CDKN2B-AS1: variants seen among roughly 807,000 people sequenced by gnomAD.
CDKN2B-AS1 encodes the protein CDKN2B and CDKN2A antisense cis and trans regulatory RNA 1.
intron 1 of CDKN2B-AS1, among the ~76,000 whole-genome samples, chr9:22,021,140 T>A (rs879446838): frequency 2.6e-5 from 4 of 152,142 alleles, no homozygotes; most frequent in African/African-American, 4.8e-5. Flanking sequence ...GAATCTGTTC[T>A]CCATTGCTTG....
Position 21,996,216 on chromosome 9 carries a change from C to G in CDKN2B-AS1, n.29+1055C>G, listed in dbSNP as rs189408189. Among the ~76,000 whole-genome samples the G allele has an allele frequency of 1.3e-5, 2 of 152,284 alleles. No individual in the cohort carries two copies. The highest frequency in any genetic ancestry group is 3.9e-4 in the East Asian group (2 of 5,162). On this transcript the variant is annotated intron_variant and non_coding_transcript_variant, in intron 1 of 4. Transcript: ENST00000650946. This position sits in a 1 kb window ranked among gnomAD's most constrained non-coding sequence, Gnocchi z 5.4. ...CCCGCCCCATCACTTGACGTTGCTGCCGGACCTCGGTACAAACCCAAGACA... is the reference window on the plus strand; with the variant it reads ...CCCGCCCCATCACTTGACGTTGCTGGCGGACCTCGGTACAAACCCAAGACA...
At chr9:22,107,891 GGCA>G (rs1825701919) in intron 4 of CDKN2B-AS1, among the ~76,000 whole-genome samples, 1 of 152,174 alleles carries the variant, frequency 6.6e-6, no homozygotes. Flanking sequence ...TATTAGGTAA[GGCA>G]TTCTACATCT....
chr9:22,069,475 T>C (rs1180064469), intron 4 of CDKN2B-AS1, among the ~76,000 whole-genome samples: 1 of 152,216 alleles, frequency 6.6e-6, no homozygotes, highest in Non-Finnish European at 1.5e-5. Flanking sequence ...CTGAGAGATA[T>C]ACGATTGTAT....
chr9:22,101,801 G>T (rs1448530353), intron 4 of CDKN2B-AS1, among the ~76,000 whole-genome samples: 1 of 151,902 alleles, frequency 6.6e-6, no homozygotes, highest in East Asian at 1.9e-4. Flanking sequence ...ACTATCTCAG[G>T]CTTCAACAAA....
intron 4 of CDKN2B-AS1, among the ~76,000 whole-genome samples, chr9:22,064,397 A>T (rs1323699116): frequency 1.3e-5 from 2 of 152,104 alleles, no homozygotes; most frequent in Non-Finnish European, 2.9e-5. Flanking sequence ...TGTTGGGCTT[A>T]TTGGGGATGG....
intron 4 of CDKN2B-AS1, among the ~76,000 whole-genome samples, chr9:22,122,296 A>C: frequency 6.6e-6 from 1 of 152,224 alleles, no homozygotes; most frequent in Middle Eastern, 3.4e-3. Context: ...TCTAGATATT[A>C]ATCTCTTGTC....
intron 1 of CDKN2B-AS1, among the ~76,000 whole-genome samples, chr9:21,998,184 T>A (rs1000058511): frequency 3.3e-5 from 5 of 152,220 alleles, no homozygotes; most frequent in African/African-American, 9.6e-5. Flanking sequence ...TTAATATTAG[T>A]CTCAGCAAAA....
intron 4 of CDKN2B-AS1, among the ~76,000 whole-genome samples, chr9:22,072,771 T>C (rs1824348637): frequency 6.6e-6 from 1 of 152,208 alleles, no homozygotes; most frequent in Non-Finnish European, 1.5e-5. Context: ...ACCACAGATT[T>C]AGAATTTCAG....
chr9:22,118,493 T>C (rs1446948730), intron 4 of CDKN2B-AS1: 1 of 152,150 alleles, frequency 6.6e-6, no homozygotes, highest in African/African-American at 2.4e-5. Context: ...CATCATTCCT[T>C]CTCAGTCCTT....
At chr9:22,036,579 T>C (rs952783162) in intron 1 of CDKN2B-AS1, among the ~76,000 whole-genome samples, 1 of 152,134 alleles carries the variant, frequency 6.6e-6, no homozygotes, top group Non-Finnish European at 1.5e-5. Context: ...TGTGAGATAT[T>C]CTATAATTTA....
chr9:22,050,739 G>A (rs887255609), intron 3 of CDKN2B-AS1, among the ~76,000 whole-genome samples: 4 of 152,088 alleles, frequency 2.6e-5, no homozygotes, highest in East Asian at 3.9e-4. Context: ...CACCTAATTC[G>A]CTGGCACTGT....
intron 4 of CDKN2B-AS1, among the ~76,000 whole-genome samples, chr9:22,104,022 C>T (rs1825576721): frequency 6.6e-6 from 1 of 152,146 alleles, no homozygotes; most frequent in Non-Finnish European, 1.5e-5. Context: ...ATCTTCTCAT[C>T]TTTCTTATTA....
rs546352392 is a variant in CDKN2B-AS1, at chr9:22,004,208, C to T, written n.29+9047C>T. 257 of 232,440 alleles carry T rather than the reference C, an allele frequency of 1.1e-3. 3 individuals are homozygous for T. The highest frequency in any genetic ancestry group is 5.3e-3 in the African/African-American group (240 of 45,422). 14.4% of individuals were successfully genotyped at this position (232,440 alleles called of 1,614,324 possible). A position where few individuals can be genotyped will look rare whatever the true frequency, so the allele number is the denominator to read the frequency against. On this transcript the variant is annotated intron_variant and non_coding_transcript_variant, in intron 1 of 4. Transcript: ENST00000650946. The stretch of plus-strand genomic sequence containing the variant: ...GCTCTGATTCTCAACTAACTTTCCC[C>T]AGTAATATGTTCATTTTGGGAATAG...
At position 22,005,279 on chromosome 9, in the gene CDKN2B-AS1, T is replaced by C; in HGVS notation, n.29+10118T>C. 4.2e-6 allele frequency: 1 copy of C among 236,906 alleles called. No homozygotes were observed. The highest frequency in any genetic ancestry group is 8.3e-6 in the Non-Finnish European group (1 of 120,378). The allele number at this position is 236,906 out of a possible 1,614,324, so 14.7% of individuals were successfully genotyped here. ...CAAAGGCCAGCATCCTGTGCAAAGGTGCTCTGCAGCGTCGTGATCCAGGGA... is the reference window on the plus strand; with the variant it reads ...CAAAGGCCAGCATCCTGTGCAAAGGCGCTCTGCAGCGTCGTGATCCAGGGA... On this transcript the variant is annotated intron_variant and non_coding_transcript_variant, in intron 1 of 4. Coordinates refer to ENST00000650946, the Ensembl canonical transcript of CDKN2B-AS1. This position sits in a 1 kb window ranked among gnomAD's most constrained non-coding sequence, Gnocchi z 4.9.
At chr9:22,026,686 G>A (rs1214743639) in intron 1 of CDKN2B-AS1, among the ~76,000 whole-genome samples, 1 of 152,194 alleles carries the variant, frequency 6.6e-6, no homozygotes, top group Non-Finnish European at 1.5e-5. Context: ...ACCTCCTGGG[G>A]TATGTTTGGG....
intron 4 of CDKN2B-AS1, among the ~76,000 whole-genome samples, chr9:22,087,085 C>A (rs1022034347): frequency 1.3e-5 from 2 of 152,334 alleles, no homozygotes; most frequent in African/African-American, 4.8e-5. Flanking sequence ...TGTAGTGAAT[C>A]AGGAGTAGCC....
intron 4 of CDKN2B-AS1, among the ~76,000 whole-genome samples, chr9:22,124,657 G>T (rs557319083): frequency 6.6e-6 from 1 of 152,028 alleles, no homozygotes; most frequent in African/African-American, 2.4e-5. Context: ...TTCTAGTTGA[G>T]CTATCATTCA....
chr9:22,064,439 A>T (rs1454882249), intron 4 of CDKN2B-AS1, among the ~76,000 whole-genome samples: 1 of 152,170 alleles, frequency 6.6e-6, no homozygotes, highest in Non-Finnish European at 1.5e-5. Context: ...AGGTTTCAGA[A>T]GGCATAGTGG....
At chr9:22,101,738 C>G (rs1825493140) in intron 4 of CDKN2B-AS1, among the ~76,000 whole-genome samples, 2 of 149,632 alleles carry the variant, frequency 1.3e-5, no homozygotes, top group African/African-American at 5.0e-5. Context: ...GAGTGCAAAT[C>G]AAACTACCAT....
Sources: allele counts gnomAD v4.1 joint callset (sites outside exome capture counted in the v4.1 genomes callset), GRCh38; gene constraint gnomAD v4.1.1; non-coding constraint Gnocchi (gnomAD v3.1); transcripts MANE v1.5; gene names NCBI Gene and HGNC (gene_info 2026-07-23, HGNC 2026-07-21).